Variants in SPATA16 observed in about 807,000 individuals in gnomAD.
The protein encoded by SPATA16 is spermatogenesis associated 16.
Under a neutral mutation model 63.3 loss-of-function variants are expected in SPATA16, and 36 were observed. That is an observed-to-expected ratio of 0.57 (90% CI 0.44 to 0.75). The LOEUF is 0.75. SPATA16 is among the 30% of genes least tolerant of loss of function. The probability of loss-of-function intolerance (pLI) is 0.00; values close to 1 mark genes in which losing one functional copy is unlikely to be tolerated. For missense variants in SPATA16, 646 were observed against 679.3 expected (o/e 0.95, Z 0.54); for synonymous variants, 203 against 216.7 (o/e 0.94, Z 0.56).
At chr3:173,112,631 A>G (rs1490746474) in intron 2 of SPATA16, among the ~76,000 whole-genome samples, 2 of 152,230 alleles carry the variant, frequency 1.3e-5, no homozygotes, top group Non-Finnish European at 2.9e-5. Context: ...AAATAATCCC[A>G]GAATGTAAAA....
At chr3:173,109,027 TC>T (rs1186896973) in intron 2 of SPATA16, among the ~76,000 whole-genome samples, 6 of 152,218 alleles carry the variant, frequency 3.9e-5, no homozygotes, top group Non-Finnish European at 7.3e-5. Context: ...ATGTTCATAA[TC>T]TTTTTTTATG....
chr3:172,991,351 T>G (rs1280645900), intron 4 of SPATA16, among the ~76,000 whole-genome samples: 2 of 152,214 alleles, frequency 1.3e-5, no homozygotes, highest in Non-Finnish European at 2.9e-5. Context: ...TCTCATTTTC[T>G]TCTTTTCCTA....
chr3:172,914,426 A>C (rs563147766), intron 9 of SPATA16, among the ~76,000 whole-genome samples: 1 of 152,290 alleles, frequency 6.6e-6, no homozygotes, highest in African/African-American at 2.4e-5. Context: ...GGTTAAAAAA[A>C]GTTCTTAAAA....
At chr3:173,139,338 T>C (rs1738636425) in intron 1 of SPATA16, among the ~76,000 whole-genome samples, 1 of 152,202 alleles carries the variant, frequency 6.6e-6, no homozygotes, top group Admixed American at 6.5e-5. Flanking sequence ...AGTCTTTATT[T>C]TGCTATATTT....
rs372384395 is a variant in SPATA16, at chr3:173,001,878, A to T, written c.848+17608T>A. ...AGTAATGACTTCTAAGCTCCCTGCAAACTGGACTGGAAACCAGAAGACCAT... is the reference window on the plus strand; with the variant it reads ...AGTAATGACTTCTAAGCTCCCTGCATACTGGACTGGAAACCAGAAGACCAT... On this transcript the variant is annotated intron_variant, in intron 4 of 10. Coordinates refer to ENST00000351008, the MANE Select transcript of SPATA16 (RefSeq NM_031955.6). 1.2e-4 allele frequency among the ~76,000 whole-genome samples: 19 copies of T among 152,294 alleles called. 4 individuals carry two copies. Among genetic ancestry groups the T allele is most frequent in the Admixed American group, 3.3e-4 (5 of 15,292 alleles).
Position 172,924,265 on chromosome 3 carries a change from C to T in SPATA16, c.1281G>A (p.Glu427=). 6.2e-7 allele frequency: 1 copy of T among 1,613,492 alleles called. No homozygotes were observed. Among genetic ancestry groups the T allele is most frequent in the Non-Finnish European group, 8.5e-7 (1 of 1,179,710 alleles). The change falls in exon 8 of 11, where the codon GAG becomes GAA. Residue 427 remains glutamate (E), a synonymous_variant. Coordinates refer to ENST00000351008, the MANE Select transcript of SPATA16 (RefSeq NM_031955.6). ...TTGGCAAGATTCGCTTCCCCATTGT[C>T]TCCATTTGCCTCACTGTATCTTCTC... The part of the protein sequence containing the change: ...LTREDTVRQM[E]TMGKRILPIL...
At chr3:173,128,916 T>G (rs1010189809) in intron 1 of SPATA16, among the ~76,000 whole-genome samples, 5 of 152,272 alleles carry the variant, frequency 3.3e-5, no homozygotes, top group African/African-American at 1.2e-4. Context: ...TCACATGCTT[T>G]ATTTTGCTTA....
At position 173,117,755 on chromosome 3, in the gene SPATA16, G is replaced by A; in HGVS notation, c.-18-6C>T. On this transcript the variant is annotated splice_polypyrimidine_tract_variant and splice_region_variant and intron_variant, in intron 1 of 10. Transcript: ENST00000351008. ...ATCGATCCTGCCCAAAACTCCTGCA[G>A]GGGGGAGAAAAAGGAAAGTAATTAA... The A allele has an allele frequency of 4.3e-6, 7 of 1,613,918 alleles. No individual in the cohort carries two copies. The highest frequency in any genetic ancestry group is 1.7e-5 in the Admixed American group (1 of 60,004).
At chr3:173,110,141 T>G (rs2108331233) in intron 2 of SPATA16, among the ~76,000 whole-genome samples, 1 of 152,332 alleles carries the variant, frequency 6.6e-6, no homozygotes, top group Non-Finnish European at 1.5e-5. Flanking sequence ...GGTGTCCCTG[T>G]ATGGAACAAC....
chr3:173,048,251 T>A (rs1736001091), intron 3 of SPATA16, among the ~76,000 whole-genome samples: 1 of 152,000 alleles, frequency 6.6e-6, no homozygotes, highest in South Asian at 2.1e-4. Flanking sequence ...AGGAAAGCGT[T>A]TGTTGAAAGG....
At chr3:173,058,883 T>C (rs1736312308) in intron 2 of SPATA16, among the ~76,000 whole-genome samples, 1 of 152,144 alleles carries the variant, frequency 6.6e-6, no homozygotes, top group Admixed American at 6.5e-5. Context: ...CTAAATACTC[T>C]GAAACATTCT....
intron 10 of SPATA16, among the ~76,000 whole-genome samples, chr3:172,905,024 C>G (rs1361324145): frequency 6.6e-6 from 1 of 151,992 alleles, no homozygotes; most frequent in East Asian, 1.9e-4. Flanking sequence ...TCCCTCCCTG[C>G]TTGTCCTAGG....
chr3:173,039,719 G>A (rs1409742144), intron 3 of SPATA16, among the ~76,000 whole-genome samples: 2 of 152,068 alleles, frequency 1.3e-5, no homozygotes, highest in African/African-American at 4.8e-5. Context: ...AAACTAAACT[G>A]CTATCAACTT....
intron 2 of SPATA16, among the ~76,000 whole-genome samples, chr3:173,099,165 C>T (rs1258963169): frequency 3.3e-5 from 5 of 152,068 alleles, no homozygotes; most frequent in Non-Finnish European, 7.4e-5. Flanking sequence ...TCATTCACCT[C>T]ATCACACAAG....
intron 6 of SPATA16, among the ~76,000 whole-genome samples, chr3:172,935,694 C>T (rs1288666448): frequency 6.6e-6 from 1 of 152,044 alleles, no homozygotes; most frequent in African/African-American, 2.4e-5. Flanking sequence ...ATCGGGGTAT[C>T]AGTAAAATGA....
chr3:173,072,494 G>C (rs1736697734), intron 2 of SPATA16, among the ~76,000 whole-genome samples: 1 of 152,072 alleles, frequency 6.6e-6, no homozygotes, highest in African/African-American at 2.4e-5. Context: ...GAATCATGGG[G>C]GCAATTTTCC....
intron 3 of SPATA16, among the ~76,000 whole-genome samples, chr3:173,031,158 A>C (rs551248640): frequency 1.3e-4 from 20 of 151,912 alleles, no homozygotes; most frequent in Non-Finnish European, 2.2e-4. Flanking sequence ...AATTGCCTGC[A>C]CAACGTGAAA....
At chr3:172,983,262 T>A (rs1410083040) in intron 4 of SPATA16, among the ~76,000 whole-genome samples, 2 of 152,138 alleles carry the variant, frequency 1.3e-5, no homozygotes, top group African/African-American at 2.4e-5. Flanking sequence ...AATAATTTAT[T>A]AATCTTCTTT....
chr3:172,952,287 T>C (rs920437987), intron 6 of SPATA16, among the ~76,000 whole-genome samples: 1 of 152,210 alleles, frequency 6.6e-6, no homozygotes, highest in Non-Finnish European at 1.5e-5. Context: ...CTTGTTATGA[T>C]GTAGGACAGA....
Sources: gnomAD v4.1 joint callset for allele counts (sites outside exome capture counted in the v4.1 genomes callset) on GRCh38, gnomAD v4.1.1 for gene constraint, MANE v1.5 for transcripts, NCBI Gene and HGNC (gene_info 2026-07-23, HGNC 2026-07-21) for gene names.